The following PCDHGB1 variants were observed in gnomAD, a reference collection of about 807,000 sequenced individuals.
The protein encoded by PCDHGB1 is protocadherin gamma subfamily B, 1, also known as protocadherin gamma-B1.
In PCDHGB1, 34 loss-of-function variants were observed where a neutral mutation model predicts 56.6. The ratio of observed to expected loss-of-function variants is 0.60; its 90% CI spans 0.46 to 0.80. The LOEUF (loss-of-function observed/expected upper bound fraction) is 0.80, where lower values mean the gene tolerates loss of function less well. Ranked by LOEUF, PCDHGB1 falls within the 30% of genes least tolerant of loss-of-function variation. The probability of loss-of-function intolerance (pLI) is 0.00; values close to 1 mark genes in which losing one functional copy is unlikely to be tolerated. For missense variants in PCDHGB1, 1,278 were observed against 1,204.6 expected (o/e 1.06, Z -0.90); for synonymous variants, 561 against 505.9 (o/e 1.11, Z -1.46).
chr5:141,451,676 G>A (rs1363843426), intron 1 of PCDHGB1, among the ~76,000 whole-genome samples: 1 of 152,142 alleles, frequency 6.6e-6, no homozygotes, highest in African/African-American at 2.4e-5. Flanking sequence ...GAGCCCAGGA[G>A]TTCAAGACCA....
chr5:141,438,579 CATACATACATACATATAT>C (rs1303045573), intron 1 of PCDHGB1, among the ~76,000 whole-genome samples: 21 of 55,772 alleles, frequency 3.8e-4, no homozygotes, highest in Admixed American at 1.1e-3. Context: ...GATATACATA[CATACATACATACATATAT>C]ATATATATAT....
rs1477534800 is a variant in PCDHGB1, at chr5:141,404,988, A to G, written c.2409+52319A>G. The G allele has an allele frequency of 5.0e-6, 8 of 1,613,868 alleles. 1 individual carries two copies. The South Asian group carries it at 7.7e-5, about 16-fold the overall frequency. On this transcript the variant is annotated intron_variant, in intron 1 of 3. Coordinates refer to ENST00000523390, the MANE Select transcript of PCDHGB1 (RefSeq NM_018922.3). ...ATCCTGGCTGACCTGGGCAGTCTTCAGATCCCTGCAGACCTGGAGGCCTCA... is the reference window on the plus strand; with the variant it reads ...ATCCTGGCTGACCTGGGCAGTCTTCGGATCCCTGCAGACCTGGAGGCCTCA...
chr5:141,407,985 A>G, intron 1 of PCDHGB1: 1 of 789,616 alleles, frequency 1.3e-6, no homozygotes, highest in Non-Finnish European at 1.9e-6. Flanking sequence ...GGGATCCGTC[A>G]GCCTCTGGCC....
rs201673318 is a variant in PCDHGB1, at chr5:141,421,626, C to G, written c.2409+68957C>G. On this transcript the variant is annotated intron_variant, in intron 1 of 3. Coordinates refer to ENST00000523390, the MANE Select transcript of PCDHGB1 (RefSeq NM_018922.3). ...TAGATATTAATGATAACGCCCCCAG[C>G]TTCCAGGAGGACGAAGTGGAGATAA... 1.9e-6 allele frequency: 3 copies of G among 1,613,842 alleles called. No individual in the cohort carries two copies. In the African/African-American group the frequency reaches 4.0e-5, roughly 21 times the overall value.
chr5:141,354,820 AC>A (rs1759643114), intron 1 of PCDHGB1, among the ~76,000 whole-genome samples: 1 of 152,242 alleles, frequency 6.6e-6, no homozygotes, highest in Non-Finnish European at 1.5e-5. Context: ...AGTTTATTGT[AC>A]AGGAAGACTT....
intron 1 of PCDHGB1, chr5:141,418,232 G>A (rs1034684988): frequency 6.2e-7 from 1 of 1,614,066 alleles, no homozygotes; most frequent in Non-Finnish European, 8.5e-7. Flanking sequence ...GGTGATTGAG[G>A]ATGTTAATGA....
At chr5:141,421,993 A>G in intron 1 of PCDHGB1, 1 of 1,609,190 alleles carries the variant, frequency 6.2e-7, no homozygotes, top group South Asian at 1.1e-5. Flanking sequence ...TCCAGAAAAC[A>G]TCAGCTCCGG....
intron 1 of PCDHGB1, chr5:141,355,756 G>A (rs1307748694): frequency 1.2e-6 from 2 of 1,613,948 alleles, no homozygotes; most frequent in South Asian, 1.1e-5. Context: ...GCAAAGTGGG[G>A]CCGATGGGAT....
intron 1 of PCDHGB1, chr5:141,365,729 A>G: frequency 1.2e-6 from 2 of 1,613,792 alleles, no homozygotes; most frequent in South Asian, 2.2e-5. Flanking sequence ...AAACAATCCC[A>G]GAGGTGTCTC....
chr5:141,496,306 C>T (rs1380057886), intron 2 of PCDHGB1, among the ~76,000 whole-genome samples: 1 of 152,202 alleles, frequency 6.6e-6, no homozygotes, highest in South Asian at 2.1e-4. Flanking sequence ...ATAGGCTCTG[C>T]GCCAGGCCTC....
chr5:141,394,189 C>G lies in PCDHGB1; in HGVS notation c.2409+41520C>G, dbSNP rs543330174. The stretch of plus-strand genomic sequence containing the variant: ...ACTTTCCCTCATGCCTCCTACTCAG[C>G]GTATATCCTAGAGAACAACCTGAGA... On this transcript the variant is annotated intron_variant, in intron 1 of 3. Coordinates refer to ENST00000523390, the MANE Select transcript of PCDHGB1 (RefSeq NM_018922.3). 4 of 1,613,892 alleles carry G rather than the reference C, an allele frequency of 2.5e-6. No homozygotes were observed. The East Asian group carries it at 6.7e-5, about 27-fold the overall frequency.
intron 1 of PCDHGB1, chr5:141,442,062 G>A (rs1001398926): frequency 7.0e-5 from 13 of 185,900 alleles, no homozygotes; most frequent in Admixed American, 1.3e-4. Context: ...GGTGCACTGC[G>A]GTGGACAGCC....
intron 1 of PCDHGB1, chr5:141,411,270 A>G (rs1299052773): frequency 6.6e-6 from 1 of 152,160 alleles, no homozygotes; most frequent in African/African-American, 2.4e-5. Context: ...ATATTTTTAA[A>G]GCCTAAAAAT....
chr5:141,489,364 G>A lies in PCDHGB1; in HGVS notation c.2410-5443G>A, dbSNP rs2099686163. On this transcript the variant is annotated intron_variant, in intron 1 of 3. Coordinates refer to ENST00000523390, the MANE Select transcript of PCDHGB1 (RefSeq NM_018922.3). The surrounding 1 kb of genome is among the most constrained non-coding windows in gnomAD (Gnocchi z 4.5). The stretch of plus-strand genomic sequence containing the variant: ...CTCAGTGGTGGAGGAGTCTGAGCCG[G>A]GGACGCTGGTGGGGAATGTTGCTCA... 1 of 1,613,450 alleles carries A rather than the reference G, an allele frequency of 6.2e-7. No homozygotes were observed. The highest frequency in any genetic ancestry group is 1.1e-5 in the South Asian group (1 of 91,042).
At chr5:141,452,839 C>A (rs939513310) in intron 1 of PCDHGB1, among the ~76,000 whole-genome samples, 2 of 152,092 alleles carry the variant, frequency 1.3e-5, no homozygotes, top group Non-Finnish European at 2.9e-5. Flanking sequence ...TTGGTCCAGC[C>A]CACACTCTGG....
intron 1 of PCDHGB1, chr5:141,400,414 C>G: frequency 6.2e-7 from 1 of 1,614,058 alleles, no homozygotes; most frequent in African/African-American, 1.3e-5. Flanking sequence ...GTTTAATTTC[C>G]TAAAATGTAG....
intron 1 of PCDHGB1, chr5:141,375,115 A>G (rs987989099): frequency 1.2e-6 from 2 of 1,613,958 alleles, no homozygotes; most frequent in Non-Finnish European, 1.7e-6. Flanking sequence ...ATGATAATGT[A>G]CCAGAAGTGG....
chr5:141,357,987 C>T (rs921164860), intron 1 of PCDHGB1, among the ~76,000 whole-genome samples: 3 of 152,080 alleles, frequency 2.0e-5, no homozygotes, highest in African/African-American at 7.2e-5. Flanking sequence ...CTCAGGAGTT[C>T]GAGACCAGTC....
At chr5:141,423,001 G>A in intron 1 of PCDHGB1, 2 of 1,614,230 alleles carry the variant, frequency 1.2e-6, no homozygotes, top group Non-Finnish European at 1.7e-6. Flanking sequence ...GGTGACCAAG[G>A]TGGTTGCGGT....
Sources: gnomAD v4.1 joint callset for allele counts (sites outside exome capture counted in the v4.1 genomes callset) on GRCh38, gnomAD v4.1.1 for gene constraint, Gnocchi (gnomAD v3.1) non-coding constraint, MANE v1.5 for transcripts, NCBI Gene and HGNC (gene_info 2026-07-23, HGNC 2026-07-21) for gene names.